Variants in STMND1 observed in about 807,000 individuals in gnomAD.
The protein encoded by STMND1 is stathmin domain-containing protein 1.
A neutral mutation model predicts 23.0 loss-of-function variants in STMND1; 17 were observed. The observed-to-expected ratio is 0.74, with a 90% CI of 0.51 to 1.11. The LOEUF (loss-of-function observed/expected upper bound fraction) is 1.11. Ranked by LOEUF, STMND1 falls within the 50% of genes least tolerant of loss-of-function variation. The probability of loss-of-function intolerance (pLI) is 0.00; values close to 1 mark genes in which losing one functional copy is unlikely to be tolerated. For synonymous variants in STMND1, 114 were observed against 119.9 expected (o/e 0.95, Z 0.32); for missense variants, 305 against 329.1 (o/e 0.93, Z 0.57).
rs1040029878 is a variant in STMND1, at chr6:17,129,109, C to T, written c.412-3C>T. The stretch of plus-strand genomic sequence containing the variant: ...CTTCATGTAAAAAGATGTTTTATTC[C>T]AGTTGACTACGACTGAGAAGCCATT... On this transcript the variant is annotated splice_region_variant and splice_polypyrimidine_tract_variant and intron_variant, in intron 3 of 4. Transcript: ENST00000536551. 3.3e-6 allele frequency: 5 copies of T among 1,534,560 alleles called. No individual in the cohort carries two copies. The highest frequency in any genetic ancestry group is 4.4e-6 in the Non-Finnish European group (5 of 1,146,318).
intron 3 of STMND1, 190 bp from the exon 4 acceptor site, chr6:17,128,922 A>T (rs1340474656): frequency 2.1e-6 from 1 of 475,646 alleles, no homozygotes; most frequent in Non-Finnish European, 3.8e-6. Flanking sequence ...TATGTTGCCC[A>T]GGCTGGCCTC....
At chr6:17,114,591 C>A (rs1761133740) in intron 1 of STMND1, among the ~76,000 whole-genome samples, 1 of 152,196 alleles carries the variant, frequency 6.6e-6, no homozygotes, top group Admixed American at 6.5e-5. Flanking sequence ...AAGGAGTACG[C>A]AACCTAGATC....
At chr6:17,115,613 G>A (rs1177055922) in intron 2 of STMND1, among the ~76,000 whole-genome samples, 1 of 152,172 alleles carries the variant, frequency 6.6e-6, no homozygotes, top group Non-Finnish European at 1.5e-5. Context: ...TGTGAAAGAG[G>A]TAGTTATGAT....
At chr6:17,109,561 T>A (rs1761071843) in intron 1 of STMND1, among the ~76,000 whole-genome samples, 1 of 152,214 alleles carries the variant, frequency 6.6e-6, no homozygotes, top group Admixed American at 6.5e-5. Context: ...AAGAGTTTCA[T>A]GACAAGGCCT....
chr6:17,129,171 C>G lies in STMND1; in HGVS notation c.471C>G (p.Ile157Met), dbSNP rs189145559. The part of the protein sequence containing the change: ...KPPSRLKKLK[I>M]KKQVKDFTMK... ...CTTCCAGACTGAAAAAACTCAAGAT[C>G]AAAAAGCAAGTGAAGGATTTCACAA... is the stretch of plus-strand genomic sequence containing the variant. Residue 157 changes from isoleucine to methionine, a missense_variant, in exon 4 of 5, where the codon ATC becomes ATG. Ile to Met is a conservative substitution (Grantham distance 10, BLOSUM62 1). Transcript: ENST00000536551. 1.6e-4 allele frequency: 239 copies of G among 1,535,822 alleles called. 2 individuals are homozygous for G. In the Middle Eastern group the frequency reaches 2.2e-3, roughly 14 times the overall value.
chr6:17,115,009 G>A lies in STMND1; in HGVS notation c.129G>A (p.Met43Ile). ...PHTGENCSPRMEAALTKNTVD... is the reference protein window; with the variant it reads ...PHTGENCSPRIEAALTKNTVD... The stretch of plus-strand genomic sequence containing the variant: ...CTGGGGAAAATTGCAGCCCCCGGAT[G>A]GAAGCTGCTCTGACCAAGAATACTG... Residue 43 changes from methionine to isoleucine, a missense_variant, in exon 2 of 5, where the codon ATG (methionine) becomes ATA (isoleucine). Coordinates refer to ENST00000536551, the MANE Select transcript of STMND1 (RefSeq NM_001190766.2). The A allele has an allele frequency of 3.9e-6, 6 of 1,533,666 alleles. No homozygotes were observed. Among genetic ancestry groups the A allele is most frequent in the South Asian group, 1.2e-5 (1 of 83,590 alleles).
At chr6:17,113,145 A>G (rs1449824211) in intron 1 of STMND1, among the ~76,000 whole-genome samples, 2 of 152,208 alleles carry the variant, frequency 1.3e-5, no homozygotes, top group East Asian at 3.8e-4. Flanking sequence ...TCTAGAAGAT[A>G]TAATTTCTTA....
chr6:17,110,006 T>C (rs1761076301), intron 1 of STMND1, among the ~76,000 whole-genome samples: 1 of 152,204 alleles, frequency 6.6e-6, no homozygotes, highest in South Asian at 2.1e-4. Context: ...CCCCAATCTG[T>C]TTCTGCTACA....
chr6:17,126,651 G>A (rs1761310523), intron 3 of STMND1, among the ~76,000 whole-genome samples: 1 of 152,156 alleles, frequency 6.6e-6, no homozygotes, highest in Non-Finnish European at 1.5e-5. Context: ...TCAGCGGGTG[G>A]TCTTTGCCAG....
chr6:17,127,166 C>A (rs1307611893), intron 3 of STMND1, among the ~76,000 whole-genome samples: 2 of 152,298 alleles, frequency 1.3e-5, no homozygotes, highest in Non-Finnish European at 2.9e-5. Flanking sequence ...CCTTTTCTTT[C>A]TTTTTTAAAA....
intron 3 of STMND1, among the ~76,000 whole-genome samples, chr6:17,125,071 C>G (rs1315960930): frequency 6.8e-6 from 1 of 148,132 alleles, no homozygotes; most frequent in Non-Finnish European, 1.5e-5. Flanking sequence ...AATCCTAGGG[C>G]TTTACGAGGC....
chr6:17,125,326 A>G (rs528782525), intron 3 of STMND1, among the ~76,000 whole-genome samples: 45 of 152,342 alleles, frequency 3.0e-4, no homozygotes, highest in Non-Finnish European at 6.0e-4. Flanking sequence ...GTCGATATGT[A>G]TATGGATAGG....
intron 1 of STMND1, among the ~76,000 whole-genome samples, chr6:17,111,146 G>A (rs984391263): frequency 3.9e-5 from 6 of 152,088 alleles, no homozygotes; most frequent in African/African-American, 9.7e-5. Flanking sequence ...AATTTAACAC[G>A]GACCAGCATT....
chr6:17,116,599 C>T (rs938148615), intron 2 of STMND1, among the ~76,000 whole-genome samples: 31 of 152,160 alleles, frequency 2.0e-4, no homozygotes, highest in African/African-American at 7.2e-4. Context: ...GCCACCATGT[C>T]CAGCTAATTT....
Position 17,130,970 on chromosome 6 carries a change from TCA to T in STMND1, c.*90_*91del. On this transcript the variant is annotated 3_prime_UTR_variant, in exon 5 of 5. Transcript: ENST00000536551. ...TCTCATATTCTTTGACTGACTGACC[TCA>T]TTCCACTGGGATTTCTGCCTTGGGC... The T allele has an allele frequency of 8.1e-7, 1 of 1,241,904 alleles. No individual in the cohort carries two copies. Among genetic ancestry groups the T allele is most frequent in the Non-Finnish European group, 1.1e-6 (1 of 919,126 alleles). The allele number at this position is 1,241,904 out of a possible 1,614,324, so 76.9% of individuals were successfully genotyped here.
In STMND1 at chr6:17,130,469, C is replaced by A. The variant is rs1405131554; in HGVS notation, c.544-125C>A. The A allele has an allele frequency of 1.0e-5, 8 of 801,618 alleles. No individual in the cohort carries two copies. In the East Asian group the frequency reaches 1.4e-4, roughly 14 times the overall value. The allele number at this position is 801,618 out of a possible 1,614,324, so 49.7% of individuals were successfully genotyped here. A position where few individuals can be genotyped will look rare whatever the true frequency, so the allele number is the denominator to read the frequency against. The stretch of plus-strand genomic sequence containing the variant: ...GCCTTCTTCAACAAGAGTTTCTCAA[C>A]AAATGTCTGTTATTTGACTGAATGA... On this transcript the variant is annotated intron_variant, in intron 4 of 4. Transcript: ENST00000536551.
chr6:17,131,166 G>A lies in STMND1; in HGVS notation c.*285G>A, dbSNP rs565807403. On this transcript the variant is annotated 3_prime_UTR_variant, in exon 5 of 5. Coordinates refer to ENST00000536551, the MANE Select transcript of STMND1 (RefSeq NM_001190766.2). ...GGAGATGTCTTTAATTCATTTATAA[G>A]TGCCTTCAGTTTACATTAATAAGTT... 3.2e-6 allele frequency: 1 copy of A among 309,378 alleles called. No homozygotes were observed. The highest frequency in any genetic ancestry group is 1.3e-4 in the South Asian group (1 of 7,878). The allele number at this position is 309,378 out of a possible 1,614,324, so 19.2% of individuals were successfully genotyped here.
chr6:17,104,519 T>C (rs1467148255), intron 1 of STMND1, among the ~76,000 whole-genome samples: 1 of 152,164 alleles, frequency 6.6e-6, no homozygotes, highest in Non-Finnish European at 1.5e-5. Flanking sequence ...GGCCAAGCCA[T>C]TCCAAGGCCC....
chr6:17,121,856 G>A (rs1461685968), intron 3 of STMND1, among the ~76,000 whole-genome samples: 1 of 148,782 alleles, frequency 6.7e-6, no homozygotes, highest in Admixed American at 6.8e-5. Flanking sequence ...AAAGTCTAGA[G>A]TTCTAAATTT....
Sources: gnomAD v4.1 joint callset for allele counts (sites outside exome capture counted in the v4.1 genomes callset) on GRCh38, gnomAD v4.1.1 for gene constraint, MANE v1.5 for transcripts, NCBI Gene and HGNC (gene_info 2026-07-23, HGNC 2026-07-21) for gene names.